The following PRICKLE2 variants were observed in gnomAD, a reference collection of about 807,000 sequenced individuals.
The protein encoded by PRICKLE2 is prickle-like protein 2.
In PRICKLE2, 21 loss-of-function variants were observed where a neutral mutation model predicts 81.4. The observed-to-expected ratio is 0.26, with a 90% CI of 0.18 to 0.37. The LOEUF (loss-of-function observed/expected upper bound fraction) is 0.37. Among genes scored for constraint, PRICKLE2 ranks in the 10% least tolerant of loss-of-function variants. PRICKLE2 has a pLI of 1.00. For missense variants in PRICKLE2, 940 were observed against 1,109.0 expected, an observed-to-expected ratio of 0.85 and a Z score of 2.16; for synonymous variants, 456 against 421.5, an observed-to-expected ratio of 1.08 and a Z score of -1.00.
At chr3:64,156,433 C>A (rs2077636426) in intron 5 of PRICKLE2, among the ~76,000 whole-genome samples, 1 of 152,228 alleles carries the variant, frequency 6.6e-6, no homozygotes. Flanking sequence ...CTGTCTAGGA[C>A]TTTTACCCAA....
intron 2 of PRICKLE2, among the ~76,000 whole-genome samples, chr3:64,189,005 G>C (rs1285696196): frequency 6.6e-6 from 1 of 152,210 alleles, no homozygotes; most frequent in African/African-American, 2.4e-5. Flanking sequence ...TAAACTGTCA[G>C]CTCCACAAAG....
At chr3:64,231,561 A>G (rs2079103523) in intron 2 of PRICKLE2, among the ~76,000 whole-genome samples, 1 of 152,196 alleles carries the variant, frequency 6.6e-6, no homozygotes, top group African/African-American at 2.4e-5. Flanking sequence ...TTCTCTTGGA[A>G]GAGAACATTG....
chr3:64,180,802 G>C (rs1340671189), intron 2 of PRICKLE2, among the ~76,000 whole-genome samples: 2 of 152,164 alleles, frequency 1.3e-5, no homozygotes. Flanking sequence ...CAAGGTACCA[G>C]GATTACAGGT....
At chr3:64,176,768 G>A (rs153736) in intron 2 of PRICKLE2, among the ~76,000 whole-genome samples, 137,346 of 152,282 alleles carry the variant, frequency 0.9, 62,297 homozygotes, top group South Asian at 0.97. Flanking sequence ...TACAAAGGAT[G>A]TATTTCTGAC....
intron 7 of PRICKLE2, among the ~76,000 whole-genome samples, chr3:64,116,325 G>A (rs542862950): frequency 3.9e-5 from 6 of 151,924 alleles, no homozygotes; most frequent in Non-Finnish European, 7.4e-5. Context: ...AAAACTAGCC[G>A]AAGACACAAA....
At chr3:64,252,874 G>C (rs2079469148) in intron 2 of PRICKLE2, among the ~76,000 whole-genome samples, 2 of 152,194 alleles carry the variant, frequency 1.3e-5, no homozygotes, top group South Asian at 4.1e-4. Context: ...CCCTTGTAGT[G>C]TGACAAGTGA....
At chr3:64,202,645 CGT>C (rs71099794) in intron 1 of PRICKLE2, among the ~76,000 whole-genome samples, 10,656 of 149,368 alleles carry the variant, frequency 0.071, 718 homozygotes, top group African/African-American at 0.18. Flanking sequence ...TACTTGTGTG[CGT>C]GTGTGTGTGT....
intron 2 of PRICKLE2, among the ~76,000 whole-genome samples, chr3:64,258,242 T>C (rs894932393): frequency 1.3e-5 from 2 of 152,170 alleles, no homozygotes; most frequent in Non-Finnish European, 2.9e-5. Flanking sequence ...GTCCCAGCAA[T>C]GCATGCACTC....
chr3:64,162,897 C>G, intron 3 of PRICKLE2, 119 bp downstream of exon 3: 1 of 799,592 alleles, frequency 1.3e-6, no homozygotes. Flanking sequence ...GAAGCTAAAA[C>G]CTAAAATAAA....
intron 2 of PRICKLE2, among the ~76,000 whole-genome samples, chr3:64,178,637 A>G (rs551982573): frequency 6.6e-6 from 1 of 152,338 alleles, no homozygotes; most frequent in African/African-American, 2.4e-5. Context: ...TGTAAACAGG[A>G]TATTACATTT....
At position 64,165,011 on chromosome 3, in the gene PRICKLE2, G is replaced by C. The variant is rs910382213; in HGVS notation, c.145-1882C>G. On this transcript the variant is annotated intron_variant, in intron 2 of 7. Coordinates refer to ENST00000638394, the MANE Select transcript of PRICKLE2 (RefSeq NM_198859.4). Reference sequence around the variant, plus strand: ...CTCCCAAGTCAGAAGACTGCTTGTAGAAAGGCCTTGTTCCATCATTACTTT... The same window carrying C: ...CTCCCAAGTCAGAAGACTGCTTGTACAAAGGCCTTGTTCCATCATTACTTT... Among the ~76,000 whole-genome samples, 7 of 152,334 alleles carry C rather than the reference G, an allele frequency of 4.6e-5. No individual in the cohort carries two copies. The South Asian group carries it at 1.4e-3, about 32-fold the overall frequency.
At chr3:64,214,398 A>C (rs1039037338) in intron 1 of PRICKLE2, among the ~76,000 whole-genome samples, 4 of 152,210 alleles carry the variant, frequency 2.6e-5, no homozygotes, top group African/African-American at 9.7e-5. Context: ...TAGACACAAC[A>C]GGGAAAGACA....
chr3:64,125,128 T>C (rs544871050), intron 7 of PRICKLE2, among the ~76,000 whole-genome samples: 3 of 152,232 alleles, frequency 2.0e-5, no homozygotes, highest in South Asian at 2.1e-4. Context: ...GGGTTCTAGA[T>C]TGCAGGTATA....
intron 2 of PRICKLE2, among the ~76,000 whole-genome samples, chr3:64,250,182 C>A (rs1390759645): frequency 6.6e-6 from 1 of 152,206 alleles, no homozygotes; most frequent in Admixed American, 6.5e-5. Context: ...TCCTGTGGAA[C>A]AATATCCTCA....
intron 7 of PRICKLE2, among the ~76,000 whole-genome samples, chr3:64,127,497 C>A (rs781210070): frequency 6.6e-5 from 10 of 152,126 alleles, no homozygotes; most frequent in Non-Finnish European, 1.3e-4. Context: ...TCATGAACCC[C>A]CTAAGAGCAG....
intron 7 of PRICKLE2, chr3:64,100,443 G>A (rs1281125000): frequency 6.3e-6 from 1 of 158,290 alleles, no homozygotes; most frequent in Non-Finnish European, 1.4e-5. Context: ...TTCCTGCTTT[G>A]CCTGCTGTCC....
At chr3:64,178,795 G>T (rs141153149) in intron 2 of PRICKLE2, among the ~76,000 whole-genome samples, 1 of 152,062 alleles carries the variant, frequency 6.6e-6, no homozygotes, top group Non-Finnish European at 1.5e-5. Context: ...CAACATTTTC[G>T]TTAACCCATT....
At chr3:64,229,437 C>T (rs908594720), upstream of PRICKLE2, among the ~76,000 whole-genome samples, 8 of 152,024 alleles carry the variant, frequency 5.3e-5, no homozygotes, top group African/African-American at 1.7e-4. Context: ...TCTGTTTCTA[C>T]AGGTATAAAA....
chr3:64,242,800 T>A (rs2079287119), intron 2 of PRICKLE2, among the ~76,000 whole-genome samples: 1 of 152,216 alleles, frequency 6.6e-6, no homozygotes, highest in Admixed American at 6.5e-5. Flanking sequence ...CCTGCCAGCA[T>A]TAATGATGGG....
Sources: allele counts gnomAD v4.1 joint callset (sites outside exome capture counted in the v4.1 genomes callset), GRCh38; gene constraint gnomAD v4.1.1; transcripts MANE v1.5; gene names NCBI Gene and HGNC (gene_info 2026-07-23, HGNC 2026-07-21).